The following IFT172 variants were observed in gnomAD, a reference collection of about 807,000 sequenced individuals.
The protein encoded by IFT172 is intraflagellar transport 172.
A neutral mutation model predicts 248.9 loss-of-function variants in IFT172; 164 were observed. The observed-to-expected ratio is 0.66, with a 90% CI of 0.58 to 0.75. IFT172 has a LOEUF of 0.75. Ranked by LOEUF, IFT172 falls within the 30% of genes least tolerant of loss-of-function variation. IFT172 has a pLI of 0.00. For synonymous variants in IFT172, 729 were observed against 791.6 expected (o/e 0.92, Z 1.33); for missense variants, 1,950 against 2,192.4 (o/e 0.89, Z 2.21).
intron 35 of IFT172, among the ~76,000 whole-genome samples, chr2:27,452,649 A>G (rs1318732208): frequency 6.6e-6 from 1 of 152,194 alleles, no homozygotes; most frequent in Non-Finnish European, 1.5e-5. Context: ...ACATTTCTGT[A>G]CTGACTACCT....
chr2:27,457,967 C>A lies in IFT172; in HGVS notation c.2985G>T (p.Val995=). The A allele has an allele frequency of 6.2e-7, 1 of 1,614,158 alleles. No homozygotes were observed. Among genetic ancestry groups the A allele is most frequent in the Non-Finnish European group, 8.5e-7 (1 of 1,180,028 alleles). The change falls in exon 28 of 48, where the codon GTG becomes GTT. Residue 995 remains valine, a synonymous_variant. Transcript: ENST00000260570. ...GKYREAERLY[V]TVQEPDLAIT... is the part of the protein sequence containing the mutation. ...TGGCAAGATCAGGCTCTTGTACTGT[C>A]ACATATAGCCTGGGGAAGGAGATAC...
Position 27,445,195 on chromosome 2 carries a change from C to A in IFT172, c.5069-90G>T. On this transcript the variant is annotated intron_variant, in intron 46 of 47. Coordinates refer to ENST00000260570, the MANE Select transcript of IFT172 (RefSeq NM_015662.3). The surrounding 1 kb of genome is among the most constrained non-coding windows in gnomAD (Gnocchi z 4.4). ...CAGCCTGGGGGGTAGAAAGCACAGT[C>A]CTGTCTTTTGTACCCTTTACTGAAT... 1 of 1,590,844 alleles carries A rather than the reference C, an allele frequency of 6.3e-7. No homozygotes were observed. The highest frequency in any genetic ancestry group is 1.1e-5 in the South Asian group (1 of 88,570).
chr2:27,451,977 GTA>G (rs898241406), intron 35 of IFT172, among the ~76,000 whole-genome samples: 2 of 116,338 alleles, frequency 1.7e-5, no homozygotes, highest in Non-Finnish European at 3.4e-5. Flanking sequence ...TTATATATAT[GTA>G]TGTGTGTGTG....
Position 27,445,018 on chromosome 2 carries a change from A to ATGG in IFT172, c.5153_5155dup (p.Ala1718_Ile1719insThr). 6.2e-7 allele frequency: 1 copy of ATGG among 1,613,652 alleles called. No individual in the cohort carries two copies. Among genetic ancestry groups the ATGG allele is most frequent in the Non-Finnish European group, 8.5e-7 (1 of 1,179,916 alleles). On this transcript the variant is annotated inframe_insertion, in exon 47 of 48. Coordinates refer to ENST00000260570, the MANE Select transcript of IFT172 (RefSeq NM_015662.3). The surrounding 1 kb of genome is among the most constrained non-coding windows in gnomAD (Gnocchi z 4.4). ...CTCCAAGTCCTCCTCTCTAACCTTG[A>ATGG]TGGCCATAAGGAATTTATTCCAGTT...
At chr2:27,446,845 G>A (rs1210865705) in intron 42 of IFT172, among the ~76,000 whole-genome samples, 1 of 151,314 alleles carries the variant, frequency 6.6e-6, no homozygotes, top group Non-Finnish European at 1.5e-5. Context: ...GACTACAGGC[G>A]CCCGCCACCG....
At chr2:27,471,326 G>A (rs1667558424) in intron 15 of IFT172, 1 of 398,778 alleles carries the variant, frequency 2.5e-6, no homozygotes. Context: ...TAAGTTAGGT[G>A]AAGGTCAGAC....
At chr2:27,482,260 G>A (rs1031694585) in intron 7 of IFT172, among the ~76,000 whole-genome samples, 1 of 151,914 alleles carries the variant, frequency 6.6e-6, no homozygotes, top group East Asian at 1.9e-4. Context: ...TGGGATTACA[G>A]GAGTGAGACA....
Position 27,459,733 on chromosome 2 carries a change from G to A in IFT172, c.2618C>T (p.Ala873Val). The change falls in exon 24 of 48, where the codon GCC becomes GTC. Residue 873 changes from alanine to valine, a missense_variant. Ala to Val is a moderately conservative substitution (Grantham distance 64, BLOSUM62 0). Transcript: ENST00000260570. The stretch of plus-strand genomic sequence containing the variant: ...CCTGGCTTCGATGTAGTGATTAATG[G>A]CTGCATCAAGCTGCTTCTGCTGCAC... Reference protein sequence around the residue: ...HLVQQKQLDAAINHYIEARCS... With the variant: ...HLVQQKQLDAVINHYIEARCS... 6.2e-7 allele frequency: 1 copy of A among 1,612,682 alleles called. No homozygotes were observed. The highest frequency in any genetic ancestry group is 8.5e-7 in the Non-Finnish European group (1 of 1,180,010).
At position 27,445,788 on chromosome 2, in the gene IFT172, T is replaced by G; in HGVS notation, c.4871A>C (p.Asp1624Ala). The change falls in exon 45 of 48, where the codon GAC becomes GCC. Residue 1624 changes from aspartate (D) to alanine (A), a missense_variant. Around this residue, in one of 3 missense-constraint regions of IFT172, gnomAD observed 620 missense variants for 699.0 expected, o/e 0.89. Coordinates refer to ENST00000260570, the MANE Select transcript of IFT172 (RefSeq NM_015662.3). This position sits in a 1 kb window ranked among gnomAD's most constrained non-coding sequence, Gnocchi z 4.4. Reference protein sequence around the residue: ...GLDHSDFQDTDIPFEVPLPAK... With the variant: ...GLDHSDFQDTAIPFEVPLPAK... ...TGGGAGTGGCACCTCAAAGGGAATGTCTGTATCCTGAAAATCAGAGTGGTC... is the reference window on the plus strand; with the variant it reads ...TGGGAGTGGCACCTCAAAGGGAATGGCTGTATCCTGAAAATCAGAGTGGTC... 2.5e-6 allele frequency: 4 copies of G among 1,614,144 alleles called. No homozygotes were observed. The highest frequency in any genetic ancestry group is 3.4e-6 in the Non-Finnish European group (4 of 1,180,034).
intron 8 of IFT172, 114 bp from the exon 9 acceptor site, chr2:27,480,263 A>G: frequency 7.1e-7 from 1 of 1,400,518 alleles, no homozygotes; most frequent in Non-Finnish European, 9.4e-7. Context: ...GGAAATAAAA[A>G]GAACAGACAA....
intron 19 of IFT172, 120 bp from the exon 20 acceptor site, chr2:27,462,913 C>G (rs1374600037): frequency 8.5e-7 from 1 of 1,181,432 alleles, no homozygotes; most frequent in African/African-American, 1.5e-5. Flanking sequence ...TAAAACACTT[C>G]ATGGAGCTTA....
intron 5 of IFT172, 95 bp from the exon 6 acceptor site, chr2:27,483,754 C>T (rs1668553128): frequency 1.4e-6 from 2 of 1,457,770 alleles, no homozygotes; most frequent in Non-Finnish European, 1.9e-6. Context: ...CAAAACTGGT[C>T]CCTATGCATT....
chr2:27,453,739 C>T lies in IFT172; in HGVS notation c.3712G>A (p.Glu1238Lys), dbSNP rs1395282355. Residue 1238 changes from glutamate to lysine, a missense_variant and splice_region_variant, in exon 34 of 48, where the codon GAG (glutamate) becomes AAG (lysine). Glu to Lys is a moderately conservative substitution (Grantham distance 56, BLOSUM62 1). Around this residue, in one of 3 missense-constraint regions of IFT172, gnomAD observed 620 missense variants for 699.0 expected, o/e 0.89. Coordinates refer to ENST00000260570, the MANE Select transcript of IFT172 (RefSeq NM_015662.3). ...AGAGCGTCACTCCATAATCCAGCCT[C>T]CTGCTCAGATTTCCAGGTATCAAGA... ...RPGLALNYYK[E>K]AGLWSDALRI... 6.2e-7 allele frequency: 1 copy of T among 1,610,866 alleles called. No homozygotes were observed. The highest frequency in any genetic ancestry group is 1.1e-5 in the South Asian group (1 of 90,896).
intron 25 of IFT172, 95 bp downstream of exon 25, chr2:27,459,283 G>T: frequency 6.8e-7 from 1 of 1,465,276 alleles, no homozygotes; most frequent in Non-Finnish European, 9.3e-7. Flanking sequence ...CAGAAAGAAG[G>T]ATCTGGTGAA....
At position 27,454,559 on chromosome 2, in the gene IFT172, A is replaced by G. The variant is rs1206892486; in HGVS notation, c.3465+8T>C. 9.9e-6 allele frequency: 16 copies of G among 1,613,818 alleles called. No individual in the cohort carries two copies. The highest frequency in any genetic ancestry group is 1.3e-5 in the Non-Finnish European group (15 of 1,179,832). ...GCTCTGCGGTCGGGGTCCAAATCAC[A>G]CCCATACCTCATCCTCCAGGAACAT... On this transcript the variant is annotated splice_region_variant and intron_variant, in intron 31 of 47. Coordinates refer to ENST00000260570, the MANE Select transcript of IFT172 (RefSeq NM_015662.3). This position sits in a 1 kb window ranked among gnomAD's most constrained non-coding sequence, Gnocchi z 4.2.
intron 14 of IFT172, 49 bp from the exon 15 acceptor site, chr2:27,472,411 C>A: frequency 7.1e-7 from 1 of 1,416,300 alleles, no homozygotes; most frequent in Non-Finnish European, 9.9e-7. Flanking sequence ...CACACATATA[C>A]ATAGTATGGC....
chr2:27,476,938 C>T (rs1345324124), intron 13 of IFT172: 22 of 588,924 alleles, frequency 3.7e-5, no homozygotes, highest in African/African-American at 7.5e-5. Flanking sequence ...ATTCTCCTAC[C>T]TCACCTTCCT....
chr2:27,472,394 G>A (rs769901102), intron 14 of IFT172, 32 bp from the exon 15 acceptor site: 2 of 1,547,038 alleles, frequency 1.3e-6, no homozygotes, highest in Non-Finnish European at 1.8e-6. Context: ...GTTAAGAAGA[G>A]AGATTCCACA....
intron 16 of IFT172, among the ~76,000 whole-genome samples, chr2:27,470,195 G>A (rs1364406820): frequency 6.6e-6 from 1 of 151,794 alleles, no homozygotes; most frequent in African/African-American, 2.4e-5. Context: ...AATGAGCTAT[G>A]ACTGTATCAC....
Sources: allele counts gnomAD v4.1 joint callset (sites outside exome capture counted in the v4.1 genomes callset), GRCh38; gene constraint gnomAD v4.1.1; regional missense constraint gnomAD v4.1.1; non-coding constraint Gnocchi (gnomAD v3.1); transcripts MANE v1.5; gene names NCBI Gene and HGNC (gene_info 2026-07-23, HGNC 2026-07-21).